RAD51B: variants seen among roughly 807,000 people sequenced by gnomAD.
RAD51B encodes the protein RAD51 paralog B, also known as DNA repair protein RAD51 homolog 2.
A neutral mutation model predicts 42.2 loss-of-function variants in RAD51B; 38 were observed. The ratio of observed to expected loss-of-function variants is 0.90; its 90% CI spans 0.70 to 1.18. The LOEUF (loss-of-function observed/expected upper bound fraction) is 1.18, where lower values mean the gene tolerates loss of function less well. Among genes scored for constraint, RAD51B ranks in the 50% most tolerant of loss-of-function variants. The pLI is 0.00. For synonymous variants in RAD51B, 154 were observed against 145.2 expected (o/e 1.06, Z -0.43); for missense variants, 373 against 400.7 (o/e 0.93, Z 0.59).
chr14:67,957,852 T>C (rs1445449778), intron 7 of RAD51B, among the ~76,000 whole-genome samples: 1 of 152,178 alleles, frequency 6.6e-6, no homozygotes, highest in East Asian at 1.9e-4. Context: ...TGGAAGAAAT[T>C]TACATTCTAT....
chr14:68,551,491 G>A (rs1888568274), intron 10 of RAD51B, among the ~76,000 whole-genome samples: 1 of 152,202 alleles, frequency 6.6e-6, no homozygotes, highest in Non-Finnish European at 1.5e-5. Context: ...CTCTCTGCCT[G>A]GCAGGATTCC....
chr14:68,293,843 T>C (rs527356821), intron 8 of RAD51B, among the ~76,000 whole-genome samples: 4 of 152,374 alleles, frequency 2.6e-5, no homozygotes, highest in African/African-American at 9.6e-5. Context: ...GACCATGTCA[T>C]ATTCTTTTTG....
chr14:68,553,471 T>G (rs1047988151), intron 10 of RAD51B, among the ~76,000 whole-genome samples: 2 of 152,032 alleles, frequency 1.3e-5, no homozygotes, highest in Non-Finnish European at 2.9e-5. Flanking sequence ...GCTTCTCTAG[T>G]GCAGCTGAAG....
chr14:68,183,232 A>G (rs1307030765), intron 7 of RAD51B, among the ~76,000 whole-genome samples: 1 of 152,180 alleles, frequency 6.6e-6, no homozygotes, highest in Non-Finnish European at 1.5e-5. Context: ...AGGGAAACCA[A>G]CAGTGCAGCT....
intron 7 of RAD51B, among the ~76,000 whole-genome samples, chr14:68,012,693 T>C (rs1012542630): frequency 9.2e-5 from 14 of 152,180 alleles, no homozygotes; most frequent in Non-Finnish European, 1.5e-4. Context: ...AATATAACAG[T>C]ATCCTTATAG....
intron 7 of RAD51B, among the ~76,000 whole-genome samples, chr14:67,979,251 T>A (rs1368736322): frequency 6.6e-6 from 1 of 152,244 alleles, no homozygotes; most frequent in Non-Finnish European, 1.5e-5. Context: ...GTGTATATAG[T>A]TTTAAAATAT....
chr14:68,130,638 G>A (rs1302237499), intron 7 of RAD51B, among the ~76,000 whole-genome samples: 1 of 151,788 alleles, frequency 6.6e-6, no homozygotes, highest in East Asian at 1.9e-4. Flanking sequence ...CTCTTTTTTT[G>A]TAGAAATTGA....
chr14:68,145,624 T>C (rs957484937), intron 7 of RAD51B, among the ~76,000 whole-genome samples: 1 of 152,232 alleles, frequency 6.6e-6, no homozygotes, highest in Non-Finnish European at 1.5e-5. Context: ...TCTTGTTCAG[T>C]AGTATTTTCT....
In RAD51B at chr14:67,831,000, C is replaced by T. The variant is rs144761648; in HGVS notation, c.199-4080C>T. Among the ~76,000 whole-genome samples, 720 of 151,714 alleles carry T rather than the reference C, an allele frequency of 4.7e-3. 6 individuals are homozygous for T. Among genetic ancestry groups the T allele is most frequent in the Non-Finnish European group, 4.3e-3 (292 of 67,926 alleles). ...AAGTGATTCTCCTGCGTTAGCCTCC[C>T]GAGTAGCTGGGATTACAGGCACCCA... On this transcript the variant is annotated intron_variant, in intron 3 of 10. Coordinates refer to ENST00000471583, the MANE Select transcript of RAD51B (RefSeq NM_133510.4).
chr14:68,303,518 G>C (rs1292176569), intron 8 of RAD51B, among the ~76,000 whole-genome samples: 1 of 151,894 alleles, frequency 6.6e-6, no homozygotes, highest in Non-Finnish European at 1.5e-5. Context: ...TCATTTTGTA[G>C]TTGGAAGCAT....
chr14:68,087,727 G>A (rs575511097), intron 7 of RAD51B, among the ~76,000 whole-genome samples: 8 of 150,140 alleles, frequency 5.3e-5, no homozygotes, highest in African/African-American at 1.7e-4. Flanking sequence ...TGAAGGTCAT[G>A]TATATGTACC....
intron 7 of RAD51B, among the ~76,000 whole-genome samples, chr14:68,066,580 G>A (rs1411741910): frequency 6.6e-6 from 1 of 151,960 alleles, no homozygotes; most frequent in Admixed American, 6.6e-5. Flanking sequence ...AGTATAGAAG[G>A]GAATACAGAA....
intron 10 of RAD51B, among the ~76,000 whole-genome samples, chr14:68,619,703 C>T (rs1275059585): frequency 6.6e-6 from 1 of 152,088 alleles, no homozygotes; most frequent in Admixed American, 6.5e-5. Flanking sequence ...TAGGCCACAA[C>T]GAACATATAA....
At chr14:68,549,399 C>T (rs1000268805) in intron 10 of RAD51B, among the ~76,000 whole-genome samples, 8 of 141,132 alleles carry the variant, frequency 5.7e-5, no homozygotes, top group African/African-American at 2.0e-4. Context: ...TTCATCCATG[C>T]CCTGGACACA....
At chr14:67,981,186 G>T (rs1341717404) in intron 7 of RAD51B, among the ~76,000 whole-genome samples, 2 of 152,046 alleles carry the variant, frequency 1.3e-5, no homozygotes, top group African/African-American at 4.8e-5. Context: ...GTCATTAATT[G>T]TTAGGGAAAT....
intron 7 of RAD51B, among the ~76,000 whole-genome samples, chr14:68,101,707 T>G (rs553036284): frequency 4.2e-4 from 64 of 152,214 alleles, no homozygotes; most frequent in Non-Finnish European, 8.7e-4. Context: ...TGGTGTTGAG[T>G]GTCTGTGGCT....
chr14:68,284,169 G>A (rs762727337), intron 7 of RAD51B, among the ~76,000 whole-genome samples: 2 of 152,210 alleles, frequency 1.3e-5, no homozygotes, highest in Non-Finnish European at 2.9e-5. Flanking sequence ...CCTCAGGGCT[G>A]ATAATAAGAG....
Position 67,967,823 on chromosome 14 carries a change from G to C in RAD51B, c.756+80619G>C, listed in dbSNP as rs555746459. Reference sequence around the variant, plus strand: ...TGGATCTACCATTCTAGGGTCTGGAGGATGGTGGCCCTCTTCTCATAGCTC... The same window carrying C: ...TGGATCTACCATTCTAGGGTCTGGACGATGGTGGCCCTCTTCTCATAGCTC... On this transcript the variant is annotated intron_variant, in intron 7 of 10. Transcript: ENST00000471583. Among the ~76,000 whole-genome samples the C allele has an allele frequency of 3.9e-5, 6 of 152,296 alleles. No individual in the cohort carries two copies. The East Asian group carries it at 1.2e-3, about 29-fold the overall frequency.
intron 8 of RAD51B, chr14:68,306,567 G>C: frequency 2.1e-6 from 1 of 477,236 alleles, no homozygotes; most frequent in South Asian, 1.5e-5. Flanking sequence ...GTGTGACCCA[G>C]TATATCTTTT....
Sources: gnomAD v4.1 joint callset for allele counts (sites outside exome capture counted in the v4.1 genomes callset) on GRCh38, gnomAD v4.1.1 for gene constraint, MANE v1.5 for transcripts, NCBI Gene and HGNC (gene_info 2026-07-23, HGNC 2026-07-21) for gene names.